The following THSD7B variants were observed in gnomAD, a reference collection of about 807,000 sequenced individuals.
THSD7B encodes thrombospondin type 1 domain containing 7B.
THSD7B carries 138 observed loss-of-function variants against 213.6 expected under a neutral mutation model. The observed-to-expected ratio is 0.65, with a 90% CI of 0.56 to 0.74. The LOEUF (loss-of-function observed/expected upper bound fraction) is 0.74, where lower values mean the gene tolerates loss of function less well. Among genes scored for constraint, THSD7B ranks in the 30% least tolerant of loss-of-function variants. THSD7B has a pLI of 0.00. For synonymous variants in THSD7B, 742 were observed against 687.0 expected, an observed-to-expected ratio of 1.08 and a Z score of -1.25; for missense variants, 1,931 against 1,991.5, an observed-to-expected ratio of 0.97 and a Z score of 0.58.
intron 3 of THSD7B, among the ~76,000 whole-genome samples, chr2:137,088,912 C>T (rs1246554780): frequency 6.6e-6 from 1 of 151,864 alleles, no homozygotes; most frequent in African/African-American, 2.4e-5. Flanking sequence ...AAATCAAAAC[C>T]ACAATGGGAT....
intron 17 of THSD7B, among the ~76,000 whole-genome samples, chr2:137,574,072 T>G (rs898602395): frequency 6.6e-6 from 1 of 152,096 alleles, no homozygotes; most frequent in Admixed American, 6.6e-5. Context: ...TGAAGAAGTT[T>G]AATTAAATGT....
At chr2:137,044,574 C>T (rs138170982) in intron 2 of THSD7B, among the ~76,000 whole-genome samples, 38 of 152,114 alleles carry the variant, frequency 2.5e-4, no homozygotes, top group African/African-American at 8.9e-4. Flanking sequence ...ATGTTTTTTC[C>T]TATATACATA....
chr2:136,815,259 G>A (rs1015551633), intron 1 of THSD7B, among the ~76,000 whole-genome samples: 2 of 152,202 alleles, frequency 1.3e-5, no homozygotes, highest in African/African-American at 4.8e-5. Flanking sequence ...AAGCACAGGA[G>A]TCCCTGATCT....
At chr2:137,643,430 T>A (rs1177040346) in intron 21 of THSD7B, among the ~76,000 whole-genome samples, 2 of 152,214 alleles carry the variant, frequency 1.3e-5, no homozygotes, top group Non-Finnish European at 2.9e-5. Context: ...CAGGCAACAT[T>A]ATTATCTTGC....
intron 1 of THSD7B, among the ~76,000 whole-genome samples, chr2:136,779,196 ATATGTGTGTGTGTGTGTGTGTG>A (rs1163634907): frequency 6.7e-5 from 9 of 134,286 alleles, no homozygotes; most frequent in South Asian, 2.5e-4. Flanking sequence ...CTATATATAT[ATATGTGTGTGTGTGTGTGTGTG>A]TGTGTGTGTG....
intron 2 of THSD7B, among the ~76,000 whole-genome samples, chr2:137,006,521 C>T (rs1686116430): frequency 6.6e-6 from 1 of 152,146 alleles, no homozygotes; most frequent in South Asian, 2.1e-4. Context: ...CTAAAGGACT[C>T]ATCTGATAAT....
intron 12 of THSD7B, among the ~76,000 whole-genome samples, chr2:137,335,261 G>C (rs1211363330): frequency 1.3e-5 from 2 of 152,142 alleles, no homozygotes; most frequent in Non-Finnish European, 2.9e-5. Flanking sequence ...TTTAAGCCAA[G>C]AATTGCTTAG....
intron 16 of THSD7B, among the ~76,000 whole-genome samples, chr2:137,569,686 T>C (rs1681314190): frequency 6.6e-6 from 1 of 152,118 alleles, no homozygotes; most frequent in Admixed American, 6.5e-5. Context: ...TTAGTATCAG[T>C]TTTTTCAGAT....
At chr2:137,009,729 A>G (rs1031650780) in intron 2 of THSD7B, among the ~76,000 whole-genome samples, 1 of 152,158 alleles carries the variant, frequency 6.6e-6, no homozygotes, top group Admixed American at 6.6e-5. Context: ...CCATAATTCA[A>G]TTATATTCCA....
intron 14 of THSD7B, among the ~76,000 whole-genome samples, chr2:137,426,745 A>G (rs900276570): frequency 2.0e-5 from 3 of 152,188 alleles, no homozygotes; most frequent in Non-Finnish European, 4.4e-5. Context: ...GGTCTTGACA[A>G]TGATATTTTG....
At chr2:137,453,785 C>T (rs901791937) in intron 15 of THSD7B, among the ~76,000 whole-genome samples, 7 of 152,108 alleles carry the variant, frequency 4.6e-5, no homozygotes, top group East Asian at 3.9e-4. Flanking sequence ...CTTCCAGCCT[C>T]GGATAACCGC....
At chr2:136,997,300 A>G (rs1314221089) in intron 2 of THSD7B, among the ~76,000 whole-genome samples, 2 of 152,110 alleles carry the variant, frequency 1.3e-5, no homozygotes, top group Non-Finnish European at 1.5e-5. Flanking sequence ...AAGTTGTTTA[A>G]TTGACATTTA....
chr2:137,405,323 A>G (rs965422811), intron 12 of THSD7B, among the ~76,000 whole-genome samples: 1 of 151,938 alleles, frequency 6.6e-6, no homozygotes, highest in Non-Finnish European at 1.5e-5. Context: ...ATCTCTAGAG[A>G]TTAGATGCTG....
intron 21 of THSD7B, among the ~76,000 whole-genome samples, chr2:137,655,052 C>T (rs1020859155): frequency 7.2e-5 from 11 of 152,044 alleles, no homozygotes; most frequent in African/African-American, 1.9e-4. Context: ...AGAGAAAAAC[C>T]GTGTTTTATT....
intron 7 of THSD7B, among the ~76,000 whole-genome samples, chr2:137,215,904 G>A (rs1045141773): frequency 1.3e-5 from 2 of 152,118 alleles, no homozygotes; most frequent in Non-Finnish European, 2.9e-5. Flanking sequence ...AGGCCCAGAA[G>A]TAAATAAAGA....
intron 12 of THSD7B, among the ~76,000 whole-genome samples, chr2:137,311,004 A>G (rs1683889575): frequency 6.6e-6 from 1 of 150,462 alleles, no homozygotes; most frequent in Non-Finnish European, 1.5e-5. Flanking sequence ...TTTTGCTTCC[A>G]TATGAACTTT....
intron 10 of THSD7B, among the ~76,000 whole-genome samples, chr2:137,268,349 T>A (rs904837811): frequency 4.6e-5 from 5 of 109,150 alleles, no homozygotes; most frequent in African/African-American, 1.8e-4. Flanking sequence ...TTCCCCGCCC[T>A]ACGTCCAAGT....
chr2:137,457,618 G>A (rs1370917714), intron 15 of THSD7B, among the ~76,000 whole-genome samples: 2 of 152,136 alleles, frequency 1.3e-5, no homozygotes, highest in Non-Finnish European at 2.9e-5. Context: ...TCTTAACCAA[G>A]TGCTTCAAGT....
chr2:136,819,283 G>GT (rs1410446541), intron 1 of THSD7B, among the ~76,000 whole-genome samples: 1 of 152,156 alleles, frequency 6.6e-6, no homozygotes, highest in Non-Finnish European at 1.5e-5. Context: ...CACATCTGTT[G>GT]TTTTTTCCTG....
Sources: allele counts gnomAD v4.1 joint callset (sites outside exome capture counted in the v4.1 genomes callset), GRCh38; gene constraint gnomAD v4.1.1; transcripts MANE v1.5; gene names NCBI Gene and HGNC (gene_info 2026-07-23, HGNC 2026-07-21).